The following TTYH1 variants were observed in gnomAD, a reference collection of about 807,000 sequenced individuals.
The protein encoded by TTYH1 is protein tweety homolog 1.
A neutral mutation model predicts 61.2 loss-of-function variants in TTYH1; 33 were observed. The observed-to-expected ratio is 0.54, with a 90% CI of 0.41 to 0.72. The LOEUF (loss-of-function observed/expected upper bound fraction) is 0.72, where lower values mean the gene tolerates loss of function less well. TTYH1 is among the 30% of genes least tolerant of loss of function. The probability of loss-of-function intolerance (pLI) is 0.00; values close to 1 mark genes in which losing one functional copy is unlikely to be tolerated. For missense variants in TTYH1, 538 were observed against 575.8 expected, an observed-to-expected ratio of 0.93 and a Z score of 0.67; for synonymous variants, 308 against 266.4, an observed-to-expected ratio of 1.16 and a Z score of -1.52.
intron 7 of TTYH1, 56 bp downstream of exon 7, chr19:54,430,013 C>T: frequency 5.4e-6 from 8 of 1,470,638 alleles, no homozygotes; most frequent in Non-Finnish European, 7.6e-6. Flanking sequence ...GCCCTGGCTT[C>T]CTCAGGCCTC....
intron 8 of TTYH1, 68 bp downstream of exon 8, chr19:54,430,673 CGGGGCT>C (rs1555970658): frequency 2.0e-5 from 9 of 445,196 alleles, no homozygotes; most frequent in Non-Finnish European, 3.0e-5. Context: ...AGGGAGGGGG[CGGGGCT>C]GGGGCTGGGG....
chr19:54,422,090 C>T (rs1037199310), intron 3 of TTYH1, 100 bp from the exon 4 acceptor site: 6 of 943,962 alleles, frequency 6.4e-6, no homozygotes, highest in South Asian at 3.4e-5. Context: ...CTCAGACACC[C>T]GCTACTATGC....
Position 54,419,826 on chromosome 19 carries a change from A to G in TTYH1, c.305+520A>G, listed in dbSNP as rs77897833. On this transcript the variant is annotated intron_variant, in intron 2 of 13. Transcript: ENST00000376530. The surrounding 1 kb of genome is among the most constrained non-coding windows in gnomAD (Gnocchi z 6.1). ...ATTGAGTATTTACTATGTGCCAGAT[A>G]CTGACCAAGCCAGGCAAGGAGCCCC... Among the ~76,000 whole-genome samples, 2,126 of 152,282 alleles carry G rather than the reference A, an allele frequency of 0.014. 57 individuals are homozygous for G. Among genetic ancestry groups the G allele is most frequent in the African/African-American group, 0.049 (2,049 of 41,540 alleles).
Position 54,421,255 on chromosome 19 carries a change from C to T in TTYH1, c.306-22C>T, listed in dbSNP as rs368085830. On this transcript the variant is annotated intron_variant, in intron 2 of 13. Transcript: ENST00000376530. This position sits in a 1 kb window ranked among gnomAD's most constrained non-coding sequence, Gnocchi z 4.8. ...GGGGTCCTGGGACCCGCTGAGATTC[C>T]TCTCCCTCCTCCTCCGCTCAGCACT... 1.1e-5 allele frequency: 17 copies of T among 1,557,842 alleles called. No homozygotes were observed. Among genetic ancestry groups the T allele is most frequent in the Non-Finnish European group, 1.5e-5 (17 of 1,129,350 alleles).
chr19:54,420,146 C>T lies in TTYH1; in HGVS notation c.305+840C>T, dbSNP rs2083178536. Among the ~76,000 whole-genome samples the T allele has an allele frequency of 6.6e-6, 1 of 152,198 alleles. No individual in the cohort carries two copies. The highest frequency in any genetic ancestry group is 1.5e-5 in the Non-Finnish European group (1 of 68,032). On this transcript the variant is annotated intron_variant, in intron 2 of 13. Transcript: ENST00000376530. The surrounding 1 kb of genome is among the most constrained non-coding windows in gnomAD (Gnocchi z 4.8). ...GGGGCTTCCAATGTGAACACACCAG[C>T]TACCAAGAACGAGCTCTGAGCACAG... is the stretch of plus-strand genomic sequence containing the variant.
chr19:54,430,049 G>C (rs1042446773), intron 7 of TTYH1, 92 bp downstream of exon 7: 18 of 1,147,846 alleles, frequency 1.6e-5, no homozygotes, highest in Non-Finnish European at 2.0e-5. Context: ...TGCCCAGGGT[G>C]GGGTGGGGGT....
chr19:54,431,056 G>T (rs923276699), intron 9 of TTYH1, 43 bp from the exon 10 acceptor site: 1 of 1,548,188 alleles, frequency 6.5e-7, no homozygotes, highest in Non-Finnish European at 8.9e-7. Context: ...CGATGGGCGG[G>T]CCTGAAGAGT....
At chr19:54,428,079 GTTTTTTTTTTTTTT>G (rs936820982) in intron 5 of TTYH1, among the ~76,000 whole-genome samples, 3 of 62,460 alleles carry the variant, frequency 4.8e-5, no homozygotes, top group Middle Eastern at 0.012. Context: ...TCCCGGCTAA[GTTTTTTTTTTTTTT>G]TTTTTTTTTT....
At chr19:54,426,594 ATGCT>A in intron 4 of TTYH1, 75 bp from the exon 5 acceptor site, 1 of 1,098,470 alleles carries the variant, frequency 9.1e-7, no homozygotes, top group Non-Finnish European at 1.4e-6. Flanking sequence ...GGCAGGGTGA[ATGCT>A]GGTGGAGGGT....
rs113234225 is a variant in TTYH1, at chr19:54,429,336, T to C, written c.764T>C (p.Val255Ala). Residue 255 changes from valine (V) to alanine (A), a missense_variant, in exon 6 of 14, where the codon GTC (valine) becomes GCC (alanine). By Grantham distance (64) the Val-to-Ala change is moderately conservative. Around this residue, in one of 3 missense-constraint regions of TTYH1, gnomAD observed 378 missense variants for 401.2 expected, o/e 0.94. Coordinates refer to ENST00000376530, the MANE Select transcript of TTYH1 (RefSeq NM_020659.4). This position sits in a 1 kb window ranked among gnomAD's most constrained non-coding sequence, Gnocchi z 5.1. ...VMTVMSLLVL[V>A]LSWGSMGLEA... ...ACAGTCATGAGTCTCCTGGTTCTCG[T>C]CCTGAGCTGGGGCTCCATGGGCCTG... 65 of 1,614,088 alleles carry C rather than the reference T, an allele frequency of 4.0e-5. No individual in the cohort carries two copies. Among genetic ancestry groups the C allele is most frequent in the Non-Finnish European group, 5.3e-5 (62 of 1,179,996 alleles).
rs1422389705 is a variant in TTYH1 at position 54,420,305 on chromosome 19, A to G, written c.306-972A>G. 2.0e-5 allele frequency among the ~76,000 whole-genome samples: 3 copies of G among 152,152 alleles called. No individual in the cohort carries two copies. Among genetic ancestry groups the G allele is most frequent in the African/African-American group, 7.2e-5 (3 of 41,432 alleles). On this transcript the variant is annotated intron_variant, in intron 2 of 13. Coordinates refer to ENST00000376530, the MANE Select transcript of TTYH1 (RefSeq NM_020659.4). The surrounding 1 kb of genome is among the most constrained non-coding windows in gnomAD (Gnocchi z 4.8). ...GGAGGGACCTGTAGGGGTGGCCTGT[A>G]TTCAGGACGCTTCCTCCTCCGGCTC...
At chr19:54,422,745 G>C (rs55983248) in intron 4 of TTYH1, among the ~76,000 whole-genome samples, 3 of 151,488 alleles carry the variant, frequency 2.0e-5, no homozygotes, top group Non-Finnish European at 4.4e-5. Flanking sequence ...CCTGGCCAAC[G>C]TGGAGAAACC....
At chr19:54,425,312 A>G (rs1411326765) in intron 4 of TTYH1, among the ~76,000 whole-genome samples, 1 of 152,186 alleles carries the variant, frequency 6.6e-6, no homozygotes, top group African/African-American at 2.4e-5. Context: ...CACGGACCAG[A>G]AGAGTGTGCA....
In TTYH1 at chr19:54,430,589, C is replaced by G; in HGVS notation, c.923C>G (p.Ser308Cys). 1 of 1,614,018 alleles carries G rather than the reference C, an allele frequency of 6.2e-7. No individual in the cohort carries two copies. Among genetic ancestry groups the G allele is most frequent in the Non-Finnish European group, 8.5e-7 (1 of 1,179,970 alleles). The change falls in exon 8 of 14, where the codon TCC (serine) becomes TGC (cysteine). Residue 308 changes from serine (S) to cysteine (C), a missense_variant. Transcript: ENST00000376530. ...SYYLLCNRAV[S>C]NPFQQRLTLS... The stretch of plus-strand genomic sequence containing the variant: ...TATCTCCTCTGCAACCGGGCCGTCT[C>G]CAACCCCTTCCAACAGGTTAGGGCT...
rs1321608511 is a variant in TTYH1 at position 54,416,563 on chromosome 19, G to A, written c.126+885G>A. ...CAGGACGGGTCCTGGCCCTGCTGAT[G>A]GGGCCTGAGCCCCTGGGCTCCGTCT... On this transcript the variant is annotated intron_variant, in intron 1 of 13. Transcript: ENST00000376530. The surrounding 1 kb of genome is among the most constrained non-coding windows in gnomAD (Gnocchi z 7.0). 8.5e-6 allele frequency: 3 copies of A among 354,724 alleles called. No homozygotes were observed. Among genetic ancestry groups the A allele is most frequent in the Non-Finnish European group, 1.1e-5 (2 of 190,302 alleles). The allele number at this position is 354,724 out of a possible 1,614,324, so 22.0% of individuals were successfully genotyped here. A position where few individuals can be genotyped will look rare whatever the true frequency, so the allele number is the denominator to read the frequency against.
chr19:54,416,934 T>A lies in TTYH1; in HGVS notation c.126+1256T>A. On this transcript the variant is annotated intron_variant, in intron 1 of 13. Transcript: ENST00000376530. This position sits in a 1 kb window ranked among gnomAD's most constrained non-coding sequence, Gnocchi z 7.0. ...CCAGTCACCGCCAGAGGCACGGGTT[T>A]GGGGGAGCCTCACTCCGCCCCCACG... 1 of 1,268,824 alleles carries A rather than the reference T, an allele frequency of 7.9e-7. No individual in the cohort carries two copies. The highest frequency in any genetic ancestry group is 1.0e-6 in the Non-Finnish European group (1 of 978,064). The allele number at this position is 1,268,824 out of a possible 1,614,324, so 78.6% of individuals were successfully genotyped here. A position where few individuals can be genotyped will look rare whatever the true frequency, so the allele number is the denominator to read the frequency against.
rs911346784 is a variant in TTYH1 at position 54,422,790 on chromosome 19, G to A, written c.638+380G>A. ...CCAAAAATACAAAAATTAGCTGGGC[G>A]TGGCGGCAGATGTCTGTAATGCCAG... On this transcript the variant is annotated intron_variant, in intron 4 of 13. Transcript: ENST00000376530. 3.9e-5 allele frequency among the ~76,000 whole-genome samples: 6 copies of A among 151,968 alleles called. No individual in the cohort carries two copies. The East Asian group carries it at 7.8e-4, about 20-fold the overall frequency.
At chr19:54,427,836 G>A (rs187496054) in intron 5 of TTYH1, among the ~76,000 whole-genome samples, 1,700 of 152,170 alleles carry the variant, frequency 0.011, 21 homozygotes, top group African/African-American at 0.037. Context: ...CGCTCTACGC[G>A]CCCGACACTC....
chr19:54,419,087 C>T lies in TTYH1; in HGVS notation c.127-41C>T. The T allele has an allele frequency of 6.3e-7, 1 of 1,575,712 alleles. No homozygotes were observed. The highest frequency in any genetic ancestry group is 8.6e-7 in the Non-Finnish European group (1 of 1,158,498). ...GGAAGGGGGATCTGAGTGTGGAACACACGGGTGCCCTCGGAGGTCTGATGT... is the reference window on the plus strand; with the variant it reads ...GGAAGGGGGATCTGAGTGTGGAACATACGGGTGCCCTCGGAGGTCTGATGT... On this transcript the variant is annotated intron_variant, in intron 1 of 13. Transcript: ENST00000376530. This position sits in a 1 kb window ranked among gnomAD's most constrained non-coding sequence, Gnocchi z 6.1.
Sources: allele counts gnomAD v4.1 joint callset (sites outside exome capture counted in the v4.1 genomes callset), GRCh38; gene constraint gnomAD v4.1.1; regional missense constraint gnomAD v4.1.1; non-coding constraint Gnocchi (gnomAD v3.1); transcripts MANE v1.5; gene names NCBI Gene and HGNC (gene_info 2026-07-23, HGNC 2026-07-21).